Variants in PCDHGA2 observed in about 807,000 individuals in gnomAD.
PCDHGA2 encodes protocadherin gamma subfamily A, 2, also known as protocadherin gamma-A2.
Under a neutral mutation model 59.2 loss-of-function variants are expected in PCDHGA2, and 40 were observed. The observed-to-expected ratio is 0.68, with a 90% CI of 0.52 to 0.88. PCDHGA2 has a LOEUF of 0.88. PCDHGA2 is among the 40% of genes least tolerant of loss of function. The probability of loss-of-function intolerance (pLI) is 0.00; values close to 1 mark genes in which losing one functional copy is unlikely to be tolerated. For synonymous variants in PCDHGA2, 560 were observed against 526.0 expected (o/e 1.06, Z -0.89); for missense variants, 1,226 against 1,204.0 (o/e 1.02, Z -0.27).
At chr5:141,415,046 G>C in intron 1 of PCDHGA2, 1 of 1,613,468 alleles carries the variant, frequency 6.2e-7, no homozygotes, top group Non-Finnish European at 8.5e-7. Context: ...TTCGCGGTGG[G>C]GGAGCACACG....
intron 1 of PCDHGA2, chr5:141,374,557 T>C (rs1561563298): frequency 1.9e-6 from 3 of 1,613,702 alleles, no homozygotes. Flanking sequence ...TGGAGGTCTA[T>C]GACCCTGATG....
chr5:141,418,781 G>C, intron 1 of PCDHGA2: 1 of 1,613,716 alleles, frequency 6.2e-7, no homozygotes, highest in African/African-American at 1.3e-5. Context: ...GCAGCCTTTG[G>C]ATTTTGAAGA....
chr5:141,483,013 A>C (rs2154579792), intron 1 of PCDHGA2, among the ~76,000 whole-genome samples: 1 of 152,106 alleles, frequency 6.6e-6, no homozygotes, highest in Middle Eastern at 3.4e-3. Flanking sequence ...TGAACCCGGG[A>C]GGCAGAGGTT....
chr5:141,428,156 C>G, intron 1 of PCDHGA2: 2 of 1,579,884 alleles, frequency 1.3e-6, no homozygotes, highest in Non-Finnish European at 1.7e-6. Flanking sequence ...CGGGAACCTG[C>G]TGGTTGCTGT....
intron 1 of PCDHGA2, chr5:141,372,656 G>T: frequency 6.2e-7 from 1 of 1,613,956 alleles, no homozygotes; most frequent in Non-Finnish European, 8.5e-7. Flanking sequence ...CCTACAATCC[G>T]TGTGCTGCCT....
chr5:141,476,979 G>A lies in PCDHGA2; in HGVS notation c.2425-17828G>A, dbSNP rs772801536. On this transcript the variant is annotated intron_variant, in intron 1 of 3. Coordinates refer to ENST00000394576, the MANE Select transcript of PCDHGA2 (RefSeq NM_018915.4). The surrounding 1 kb of genome is among the most constrained non-coding windows in gnomAD (Gnocchi z 7.6). ...ATTTACTCCTTCGGCAGCCACAACC[G>A]CGCCGGCGTGCGGCAACTATTCGCC... The A allele has an allele frequency of 1.9e-6, 3 of 1,614,238 alleles. No homozygotes were observed. The South Asian group carries it at 3.3e-5, about 18-fold the overall frequency.
chr5:141,500,216 ATT>A (rs1562194139), intron 2 of PCDHGA2, among the ~76,000 whole-genome samples: 8 of 149,244 alleles, frequency 5.4e-5, no homozygotes, highest in African/African-American at 2.0e-4. Flanking sequence ...TTATTTATTT[ATT>A]TATTTATTGA....
chr5:141,415,521 G>T lies in PCDHGA2; in HGVS notation c.2424+74126G>T, dbSNP rs1357538686. 2.5e-6 allele frequency: 4 copies of T among 1,614,070 alleles called. No individual in the cohort carries two copies. The African/African-American group carries it at 5.3e-5, about 22-fold the overall frequency. Reference sequence around the variant, plus strand: ...TCCCCCAGCCCAATTATGCGGACACGCTCATCAGCCAGGAGAGCTGTGAGA... The same window carrying T: ...TCCCCCAGCCCAATTATGCGGACACTCTCATCAGCCAGGAGAGCTGTGAGA... On this transcript the variant is annotated intron_variant, in intron 1 of 3. Coordinates refer to ENST00000394576, the MANE Select transcript of PCDHGA2 (RefSeq NM_018915.4).
chr5:141,399,543 C>T (rs2093831494), intron 1 of PCDHGA2: 3 of 1,614,042 alleles, frequency 1.9e-6, no homozygotes, highest in Non-Finnish European at 2.5e-6. Flanking sequence ...AAGTCTGCGC[C>T]TCGGACCTGG....
rs761590469 is a variant in PCDHGA2, at chr5:141,364,617, G to A, written c.2424+23222G>A. 3.1e-6 allele frequency: 5 copies of A among 1,614,158 alleles called. No individual in the cohort carries two copies. The Admixed American group carries it at 8.3e-5, about 27-fold the overall frequency. The stretch of plus-strand genomic sequence containing the variant: ...GGCAGGATAGACCGGGAGGAGCTCT[G>A]CGCTCAGAGCCCACTGTGTGTGGTG... On this transcript the variant is annotated intron_variant, in intron 1 of 3. Coordinates refer to ENST00000394576, the MANE Select transcript of PCDHGA2 (RefSeq NM_018915.4).
Position 141,410,843 on chromosome 5 carries a change from CTT to C in PCDHGA2, c.2424+69450_2424+69451del, listed in dbSNP as rs1452086070. 5.3e-4 allele frequency: 115 copies of C among 216,326 alleles called. 1 individual carries two copies. In the East Asian group the frequency reaches 7.7e-3, roughly 14 times the overall value. 13.4% of individuals were successfully genotyped at this position (216,326 alleles called of 1,614,324 possible). A position where few individuals can be genotyped will look rare whatever the true frequency, so the allele number is the denominator to read the frequency against. The stretch of plus-strand genomic sequence containing the variant: ...TGTCACCAGACTGAAGATATTTTGT[CTT>C]TGTCTTTTTTTTTTTTTTTTTTTTT... On this transcript the variant is annotated intron_variant, in intron 1 of 3. Transcript: ENST00000394576.
Position 141,485,538 on chromosome 5 carries a change from A to T in PCDHGA2, c.2425-9269A>T. ...TTGGAAATGTACCGAGCAGAGGTAG[A>T]GATCGTAGATGTGAATGATCACGCC... On this transcript the variant is annotated intron_variant, in intron 1 of 3. Transcript: ENST00000394576. The surrounding 1 kb of genome is among the most constrained non-coding windows in gnomAD (Gnocchi z 5.7). The T allele has an allele frequency of 6.2e-7, 1 of 1,614,162 alleles. No individual in the cohort carries two copies. Among genetic ancestry groups the T allele is most frequent in the Admixed American group, 1.7e-5 (1 of 60,012 alleles).
chr5:141,474,405 G>C (rs2099348833), intron 1 of PCDHGA2, among the ~76,000 whole-genome samples: 1 of 152,196 alleles, frequency 6.6e-6, no homozygotes, highest in Admixed American at 6.5e-5. Context: ...AAGCTCCCCG[G>C]TGATGCCTAG....
intron 1 of PCDHGA2, chr5:141,400,120 C>T: frequency 1.2e-6 from 2 of 1,614,076 alleles, no homozygotes; most frequent in Non-Finnish European, 1.7e-6. Flanking sequence ...TGACAGCTTG[C>T]AGGAGGTGCT....
At chr5:141,509,872 G>A (rs968745661) in intron 3 of PCDHGA2, among the ~76,000 whole-genome samples, 1 of 152,166 alleles carries the variant, frequency 6.6e-6, no homozygotes, top group Non-Finnish European at 1.5e-5. Context: ...CCAAGCTGCT[G>A]GTGGTGATGG....
intron 3 of PCDHGA2, chr5:141,507,274 C>T (rs1000866082): frequency 1.3e-5 from 2 of 151,532 alleles, no homozygotes; most frequent in Non-Finnish European, 2.9e-5. Context: ...ACTATTTCAG[C>T]ATAAGTCAGT....
chr5:141,442,227 T>G (rs953690152), intron 1 of PCDHGA2: 16 of 153,240 alleles, frequency 1.0e-4, no homozygotes, highest in African/African-American at 3.6e-4. Context: ...TTAATTTCCT[T>G]TTTATTCTTC....
intron 1 of PCDHGA2, chr5:141,390,448 A>C (rs1023664408): frequency 3.5e-6 from 3 of 845,190 alleles, no homozygotes; most frequent in Non-Finnish European, 5.4e-6. Context: ...ACAAAGGAGG[A>C]GTAAAGTAGG....
At chr5:141,385,582 G>T (rs1192405517) in intron 1 of PCDHGA2, 42 of 1,273,732 alleles carry the variant, frequency 3.3e-5, no homozygotes, top group Non-Finnish European at 4.1e-5. Context: ...TCCAATCTAT[G>T]TTCCAACCTA....
Sources: gnomAD v4.1 joint callset for allele counts (sites outside exome capture counted in the v4.1 genomes callset) on GRCh38, gnomAD v4.1.1 for gene constraint, Gnocchi (gnomAD v3.1) non-coding constraint, MANE v1.5 for transcripts, NCBI Gene and HGNC (gene_info 2026-07-23, HGNC 2026-07-21) for gene names.